DLG2: variants seen among roughly 807,000 people sequenced by gnomAD.
The protein encoded by DLG2 is disks large homolog 2.
A neutral mutation model predicts 132.5 loss-of-function variants in DLG2; 45 were observed. The ratio of observed to expected loss-of-function variants is 0.34; its 90% CI spans 0.27 to 0.44. The LOEUF (loss-of-function observed/expected upper bound fraction) is 0.44, where lower values mean the gene tolerates loss of function less well. Ranked by LOEUF, DLG2 falls within the 20% of genes least tolerant of loss-of-function variation. The pLI is 1.00. For missense variants in DLG2, 1,045 were observed against 1,196.9 expected, an observed-to-expected ratio of 0.87 and a Z score of 1.87; for synonymous variants, 424 against 419.6, an observed-to-expected ratio of 1.01 and a Z score of -0.13.
At chr11:84,508,428 C>G (rs1565142340) in intron 7 of DLG2, among the ~76,000 whole-genome samples, 1 of 140,334 alleles carries the variant, frequency 7.1e-6, no homozygotes, top group African/African-American at 2.7e-5. Flanking sequence ...CTTTTTTAGA[C>G]AGAGTCTCGC....
At chr11:84,461,301 A>C (rs999965182) in intron 7 of DLG2, among the ~76,000 whole-genome samples, 17 of 150,896 alleles carry the variant, frequency 1.1e-4, no homozygotes, top group Middle Eastern at 3.2e-3. Context: ...ATTTAAGATA[A>C]GATGGCCAAT....
chr11:84,553,309 C>G (rs1303380618), intron 6 of DLG2, among the ~76,000 whole-genome samples: 1 of 152,104 alleles, frequency 6.6e-6, no homozygotes, highest in African/African-American at 2.4e-5. Context: ...CTGTAATAGA[C>G]CCTGGTAATA....
chr11:85,491,574 C>T (rs2093561419), intron 3 of DLG2, among the ~76,000 whole-genome samples: 1 of 151,952 alleles, frequency 6.6e-6, no homozygotes, highest in South Asian at 2.1e-4. Context: ...ACAAAATCAA[C>T]ACAGGAAAAT....
At chr11:85,165,383 A>G (rs2078365254) in intron 4 of DLG2, among the ~76,000 whole-genome samples, 1 of 152,214 alleles carries the variant, frequency 6.6e-6, no homozygotes, top group African/African-American at 2.4e-5. Flanking sequence ...CATTCATGCT[A>G]GGTATCACAT....
intron 3 of DLG2, among the ~76,000 whole-genome samples, chr11:85,353,179 A>G (rs2083431824): frequency 6.6e-6 from 1 of 152,248 alleles, no homozygotes; most frequent in Non-Finnish European, 1.5e-5. Flanking sequence ...TCGGCAAAGG[A>G]TATGAACAGC....
intron 19 of DLG2, among the ~76,000 whole-genome samples, chr11:83,559,887 G>A (rs2096581884): frequency 6.6e-6 from 1 of 152,152 alleles, no homozygotes. Context: ...GGAACCTGGA[G>A]GTCCTTGGTA....
At chr11:84,633,629 T>G (rs923887057) in intron 6 of DLG2, among the ~76,000 whole-genome samples, 5 of 150,954 alleles carry the variant, frequency 3.3e-5, no homozygotes, top group Admixed American at 2.6e-4. Flanking sequence ...AAAAAAAAAG[T>G]TCCTTGAAGG....
chr11:85,163,494 C>T (rs189808748), intron 4 of DLG2, among the ~76,000 whole-genome samples: 1 of 151,970 alleles, frequency 6.6e-6, no homozygotes, highest in Non-Finnish European at 1.5e-5. Flanking sequence ...TGAAGGCTTC[C>T]TGAAAGATGT....
intron 16 of DLG2, among the ~76,000 whole-genome samples, chr11:83,851,643 G>A (rs12363295): frequency 0.2 from 29,874 of 148,578 alleles, 3,294 homozygotes; most frequent in Non-Finnish European, 0.24. Flanking sequence ...AAAAAAAGGC[G>A]GGGCGTGGTG....
chr11:84,807,240 C>T (rs1354958094), intron 6 of DLG2, among the ~76,000 whole-genome samples: 1 of 152,018 alleles, frequency 6.6e-6, no homozygotes, highest in Admixed American at 6.6e-5. Flanking sequence ...GAGGTCAGGA[C>T]TTTGAGACCA....
At chr11:85,482,859 A>G (rs776302795) in intron 3 of DLG2, among the ~76,000 whole-genome samples, 19 of 152,170 alleles carry the variant, frequency 1.2e-4, no homozygotes, top group Admixed American at 2.6e-4. Flanking sequence ...GACCTTACAG[A>G]CTAAGGCTCC....
intron 3 of DLG2, among the ~76,000 whole-genome samples, chr11:85,359,526 G>A (rs1329669651): frequency 6.6e-6 from 1 of 152,150 alleles, no homozygotes; most frequent in Non-Finnish European, 1.5e-5. Flanking sequence ...TGTACATAGT[G>A]CTATGCTGAG....
chr11:85,132,328 A>C (rs2075779341), intron 5 of DLG2, among the ~76,000 whole-genome samples: 1 of 152,226 alleles, frequency 6.6e-6, no homozygotes, highest in Admixed American at 6.5e-5. Flanking sequence ...CAATATGTCA[A>C]GTCACAGTAA....
chr11:83,939,940 T>C (rs1010192059), intron 14 of DLG2, among the ~76,000 whole-genome samples: 1 of 152,196 alleles, frequency 6.6e-6, no homozygotes, highest in African/African-American at 2.4e-5. Context: ...ACAGGAAGGA[T>C]AAGGTGGCTT....
intron 19 of DLG2, among the ~76,000 whole-genome samples, chr11:83,581,436 TG>T (rs2096974424): frequency 6.6e-6 from 1 of 152,192 alleles, no homozygotes; most frequent in African/African-American, 2.4e-5. Flanking sequence ...CTCTGTTTTA[TG>T]TTAAAGAATT....
chr11:85,122,949 T>TTATATATATATTATATATATATATTATA (rs1555376285), intron 5 of DLG2, among the ~76,000 whole-genome samples: 1 of 48,166 alleles, frequency 2.1e-5, no homozygotes, highest in Non-Finnish European at 3.5e-5. Context: ...TGTATATATA[T>TTATATATATATTATATATATATATTATA]TATATATATA....
In DLG2 at chr11:84,369,293, A is replaced by G. The variant is rs577885023; in HGVS notation, c.520-118002T>C. Reference sequence around the variant, plus strand: ...TTAGGTTTGTTATGCTTTGGAACTCATTTTTTAAACCACTGTGCTACTCTG... The same window carrying G: ...TTAGGTTTGTTATGCTTTGGAACTCGTTTTTTAAACCACTGTGCTACTCTG... On this transcript the variant is annotated intron_variant, in intron 7 of 27. Coordinates refer to ENST00000376104, the MANE Select transcript of DLG2 (RefSeq NM_001142699.3). Among the ~76,000 whole-genome samples, 21 of 152,252 alleles carry G rather than the reference A, an allele frequency of 1.4e-4. 1 individual carries two copies. Among genetic ancestry groups the G allele is most frequent in the African/African-American group, 4.6e-4 (19 of 41,552 alleles).
At chr11:84,974,766 A>G (rs2054625406) in intron 6 of DLG2, among the ~76,000 whole-genome samples, 1 of 152,234 alleles carries the variant, frequency 6.6e-6, no homozygotes, top group Non-Finnish European at 1.5e-5. Flanking sequence ...ATCAGAAACT[A>G]TGGGGTTAGG....
At chr11:83,784,634 A>C (rs1161093507) in intron 18 of DLG2, among the ~76,000 whole-genome samples, 1 of 152,236 alleles carries the variant, frequency 6.6e-6, no homozygotes, top group East Asian at 1.9e-4. Flanking sequence ...CATAGTAACC[A>C]AATTAAACAT....
Sources: gnomAD v4.1 joint callset for allele counts (sites outside exome capture counted in the v4.1 genomes callset) on GRCh38, gnomAD v4.1.1 for gene constraint, MANE v1.5 for transcripts, NCBI Gene and HGNC (gene_info 2026-07-23, HGNC 2026-07-21) for gene names.